Variants in DAPK1 observed in about 807,000 individuals in gnomAD.
DAPK1 encodes the protein death associated protein kinase 1.
DAPK1 carries 56 observed loss-of-function variants against 144.9 expected under a neutral mutation model. That is an observed-to-expected ratio of 0.39 (90% confidence interval 0.31 to 0.48). DAPK1 has a LOEUF of 0.48. Among genes scored for constraint, DAPK1 ranks in the 20% least tolerant of loss-of-function variants. The probability of loss-of-function intolerance (pLI) is 0.95; values close to 1 mark genes in which losing one functional copy is unlikely to be tolerated. For synonymous variants in DAPK1, 690 were observed against 749.0 expected (o/e 0.92, Z 1.29); for missense variants, 1,454 against 1,875.4 (o/e 0.78, Z 4.15).
At chr9:87,499,978 A>G (rs7046497) in intron 2 of DAPK1, among the ~76,000 whole-genome samples, 2,204 of 152,258 alleles carry the variant, frequency 0.014, 47 homozygotes, top group African/African-American at 0.05. Flanking sequence ...ACTGTGGTGT[A>G]TTTACATTGT....
intron 3 of DAPK1, among the ~76,000 whole-genome samples, chr9:87,607,658 A>G (rs1159566955): frequency 1.3e-5 from 2 of 152,256 alleles, no homozygotes; most frequent in African/African-American, 4.8e-5. Flanking sequence ...GGGTTGTGTC[A>G]TTCTATGAAA....
intron 11 of DAPK1, among the ~76,000 whole-genome samples, chr9:87,645,194 G>T (rs892043619): frequency 2.6e-5 from 4 of 152,140 alleles, no homozygotes; most frequent in Non-Finnish European, 5.9e-5. Flanking sequence ...TAGTTTTAAT[G>T]TGAATTTTGA....
chr9:87,589,402 A>G (rs1828048818), intron 2 of DAPK1, among the ~76,000 whole-genome samples: 1 of 152,246 alleles, frequency 6.6e-6, no homozygotes, highest in African/African-American at 2.4e-5. Context: ...CATGCATATA[A>G]TCAGCATCTT....
intron 2 of DAPK1, among the ~76,000 whole-genome samples, chr9:87,588,722 T>G (rs1828022253): frequency 1.3e-5 from 2 of 152,220 alleles, no homozygotes; most frequent in Non-Finnish European, 2.9e-5. Flanking sequence ...ATTTTAAGTT[T>G]CAGTCTGGAA....
At chr9:87,515,394 A>T (rs966606308) in intron 2 of DAPK1, among the ~76,000 whole-genome samples, 17 of 152,208 alleles carry the variant, frequency 1.1e-4, no homozygotes, top group Non-Finnish European at 1.8e-4. Flanking sequence ...GCTTAAAGAG[A>T]TTAAATAATT....
At chr9:87,533,646 C>T (rs781142902) in intron 2 of DAPK1, among the ~76,000 whole-genome samples, 12 of 92,344 alleles carry the variant, frequency 1.3e-4, no homozygotes, top group Admixed American at 3.6e-4. Flanking sequence ...CATGTGTGCA[C>T]TCCTTTTCTT....
intron 19 of DAPK1, among the ~76,000 whole-genome samples, chr9:87,680,655 GCA>G (rs925379713): frequency 3.8e-4 from 58 of 150,950 alleles, no homozygotes; most frequent in Non-Finnish European, 7.4e-4. Context: ...ACACACACGC[GCA>G]CACACACACA....
chr9:87,668,457 C>T (rs904100065), intron 18 of DAPK1, 140 bp from the exon 19 acceptor site: 21 of 694,546 alleles, frequency 3.0e-5, no homozygotes, highest in African/African-American at 8.8e-5. Flanking sequence ...AGAAACACAC[C>T]GAGACGTGCT....
At chr9:87,567,931 C>T (rs1056201268) in intron 2 of DAPK1, among the ~76,000 whole-genome samples, 2 of 152,128 alleles carry the variant, frequency 1.3e-5, no homozygotes, top group Admixed American at 1.3e-4. Flanking sequence ...TTATAGACAC[C>T]CCAAAAAGGC....
In DAPK1 at chr9:87,619,236, G is replaced by A. The variant is rs36208412; in HGVS notation, c.284+14061G>A. ...CTTGTGTTTTCCTCACTTTTTAGGC[G>A]TGTGTCGATTATAGCACATACTGTA... On this transcript the variant is annotated intron_variant, in intron 3 of 25. Coordinates refer to ENST00000408954, the MANE Select transcript of DAPK1 (RefSeq NM_004938.4). 6.4e-4 allele frequency among the ~76,000 whole-genome samples: 97 copies of A among 152,264 alleles called. 1 individual carries two copies. Among genetic ancestry groups the A allele is most frequent in the East Asian group, 1.2e-3 (6 of 5,174 alleles).
chr9:87,706,213 T>C lies in DAPK1; in HGVS notation c.3142T>C (p.Leu1048=), dbSNP rs1221229780. ...GCTCTGCACAAACGTCCTGGGGAAG[T>C]TGCTGTCCGTGGAGACCCCACGGGC... ...RWLCTNVLGK[L]LSVETPRALH... The change falls in exon 26 of 26, where the codon TTG becomes CTG. Residue 1048 remains leucine, a synonymous_variant. Coordinates refer to ENST00000408954, the MANE Select transcript of DAPK1 (RefSeq NM_004938.4). This position sits in a 1 kb window ranked among gnomAD's most constrained non-coding sequence, Gnocchi z 9.0. The C allele has an allele frequency of 1.2e-6, 2 of 1,613,316 alleles. No homozygotes were observed. The highest frequency in any genetic ancestry group is 1.7e-6 in the Non-Finnish European group (2 of 1,179,308).
At chr9:87,549,843 C>T (rs1420415167) in intron 2 of DAPK1, among the ~76,000 whole-genome samples, 6 of 152,142 alleles carry the variant, frequency 3.9e-5, no homozygotes, top group Non-Finnish European at 7.3e-5. Context: ...ATCATGAATA[C>T]CCATCTGTCT....
chr9:87,522,279 C>T (rs1298717183), intron 2 of DAPK1, among the ~76,000 whole-genome samples: 15 of 152,132 alleles, frequency 9.9e-5, no homozygotes, highest in South Asian at 4.1e-4. Flanking sequence ...TCACACAGTT[C>T]GAAAGTCAAA....
At chr9:87,700,752 C>T (rs1489434695) in intron 24 of DAPK1, among the ~76,000 whole-genome samples, 1 of 152,124 alleles carries the variant, frequency 6.6e-6, no homozygotes, top group African/African-American at 2.4e-5. Flanking sequence ...CCTCCCACCT[C>T]AGCCTCCCAA....
At chr9:87,659,998 G>A (rs1354829993) in intron 18 of DAPK1, among the ~76,000 whole-genome samples, 1 of 152,144 alleles carries the variant, frequency 6.6e-6, no homozygotes, top group African/African-American at 2.4e-5. Flanking sequence ...ACAGGAAGGA[G>A]TGGGTCCTGA....
chr9:87,539,680 AG>A (rs1317562050), intron 2 of DAPK1, among the ~76,000 whole-genome samples: 1 of 152,016 alleles, frequency 6.6e-6, no homozygotes, highest in African/African-American at 2.4e-5. Flanking sequence ...GGTCTCCCAA[AG>A]TGCTGAGATT....
chr9:87,549,169 T>G (rs983841553), intron 2 of DAPK1, among the ~76,000 whole-genome samples: 3 of 152,114 alleles, frequency 2.0e-5, no homozygotes, highest in African/African-American at 7.2e-5. Context: ...CAGCTCCCAC[T>G]TACAAGTGAG....
chr9:87,678,941 G>A (rs1435224178), intron 19 of DAPK1, among the ~76,000 whole-genome samples: 1 of 152,186 alleles, frequency 6.6e-6, no homozygotes, highest in Non-Finnish European at 1.5e-5. Context: ...AAAGCCTTCA[G>A]GAGAGTTATG....
chr9:87,503,457 A>T (rs564263788), intron 2 of DAPK1, among the ~76,000 whole-genome samples: 39 of 152,244 alleles, frequency 2.6e-4, no homozygotes, highest in African/African-American at 9.1e-4. Context: ...ATTATTTTTA[A>T]TAACCTGTTT....
Sources: allele counts gnomAD v4.1 joint callset (sites outside exome capture counted in the v4.1 genomes callset), GRCh38; gene constraint gnomAD v4.1.1; non-coding constraint Gnocchi (gnomAD v3.1); transcripts MANE v1.5; gene names NCBI Gene and HGNC (gene_info 2026-07-23, HGNC 2026-07-21).